Variants in PTCHD4 observed in about 807,000 individuals in gnomAD.
PTCHD4 encodes patched domain-containing protein 4.
PTCHD4 carries 33 observed loss-of-function variants against 58.1 expected under a neutral mutation model. The observed-to-expected ratio is 0.57, with a 90% CI of 0.43 to 0.76. The LOEUF is 0.76. Ranked by LOEUF, PTCHD4 falls within the 30% of genes least tolerant of loss-of-function variation. The pLI is 0.00. For synonymous variants in PTCHD4, 478 were observed against 409.6 expected, an observed-to-expected ratio of 1.17 and a Z score of -2.02; for missense variants, 1,058 against 1,027.1, an observed-to-expected ratio of 1.03 and a Z score of -0.41.
At chr6:47,971,088 C>A (rs960156175) in intron 4 of PTCHD4, among the ~76,000 whole-genome samples, 4 of 152,104 alleles carry the variant, frequency 2.6e-5, no homozygotes, top group Non-Finnish European at 5.9e-5. Flanking sequence ...AAATACCAGA[C>A]ACCAAGGGAT....
rs1268228901 is a variant in PTCHD4, at chr6:47,858,856, CCTT to C, written c.*19444_*19446del. Reference sequence around the variant, plus strand: ...TTGTACAGAATATGCTTCCTATAATCCTTCTTGAATCTATGAATTTAAACTACC... The same window carrying C: ...TTGTACAGAATATGCTTCCTATAATCCTTGAATCTATGAATTTAAACTACC... On this transcript the variant is annotated 3_prime_UTR_variant, in exon 5 of 5. Coordinates refer to ENST00000339488, the MANE Select transcript of PTCHD4 (RefSeq NM_001384253.1). Among the ~76,000 whole-genome samples, 1 of 151,998 alleles carries C rather than the reference CCTT, an allele frequency of 6.6e-6. No individual in the cohort carries two copies. The highest frequency in any genetic ancestry group is 2.4e-5 in the African/African-American group (1 of 41,422).
rs560718908 is a variant in PTCHD4, at chr6:47,867,752, T to C, written c.*10551A>G. On this transcript the variant is annotated 3_prime_UTR_variant, in exon 5 of 5. Coordinates refer to ENST00000339488, the MANE Select transcript of PTCHD4 (RefSeq NM_001384253.1). The stretch of plus-strand genomic sequence containing the variant: ...ACTTCAATGTGGATCAGTTCATAAT[T>C]CCTTCCTTACTTTCCTTGAATACTC... Among the ~76,000 whole-genome samples the C allele has an allele frequency of 9.0e-4, 136 of 151,882 alleles. No homozygotes were observed. The highest frequency in any genetic ancestry group is 1.5e-3 in the Non-Finnish European group (103 of 67,808).
chr6:48,088,159 GT>G (rs2113899586), intron 1 of PTCHD4, among the ~76,000 whole-genome samples: 1 of 152,212 alleles, frequency 6.6e-6, no homozygotes, highest in Non-Finnish European at 1.5e-5. Context: ...AGCATGTAGT[GT>G]TTTGTTGATC....
rs1375015973 is a variant in PTCHD4, at chr6:47,875,091, A to G, written c.*3212T>C. Among the ~76,000 whole-genome samples, 1 of 151,858 alleles carries G rather than the reference A, an allele frequency of 6.6e-6. No individual in the cohort carries two copies. The highest frequency in any genetic ancestry group is 1.9e-4 in the East Asian group (1 of 5,158). On this transcript the variant is annotated 3_prime_UTR_variant, in exon 5 of 5. Coordinates refer to ENST00000339488, the MANE Select transcript of PTCHD4 (RefSeq NM_001384253.1). ...ATACAGAAAAAGAGTAGTTTTTTCAAACTTTATAACCTCTTACTTTAAGGG... is the reference window on the plus strand; with the variant it reads ...ATACAGAAAAAGAGTAGTTTTTTCAGACTTTATAACCTCTTACTTTAAGGG...
chr6:48,028,919 T>TA (rs1223513395), intron 3 of PTCHD4, among the ~76,000 whole-genome samples: 2 of 152,118 alleles, frequency 1.3e-5, no homozygotes, highest in Non-Finnish European at 2.9e-5. Context: ...TTTCACTCTG[T>TA]AAAATGAGAT....
chr6:48,085,046 G>A (rs1765237341), intron 1 of PTCHD4, among the ~76,000 whole-genome samples: 2 of 147,714 alleles, frequency 1.4e-5, no homozygotes, highest in Admixed American at 6.8e-5. Context: ...ACCAGCAAGA[G>A]TACTTCTCAT....
intron 4 of PTCHD4, among the ~76,000 whole-genome samples, chr6:47,929,309 G>A (rs989071966): frequency 2.0e-5 from 3 of 152,098 alleles, no homozygotes; most frequent in Admixed American, 6.6e-5. Context: ...TACTTAAAAA[G>A]CATTAAATAG....
intron 4 of PTCHD4, among the ~76,000 whole-genome samples, chr6:47,982,235 T>C (rs569175734): frequency 2.0e-5 from 3 of 152,298 alleles, no homozygotes; most frequent in African/African-American, 7.2e-5. Flanking sequence ...ATTAAAAATA[T>C]CCATAGCAGC....
At chr6:47,880,956 T>C (rs992570478) in intron 4 of PTCHD4, among the ~76,000 whole-genome samples, 27 of 152,184 alleles carry the variant, frequency 1.8e-4, no homozygotes, top group African/African-American at 1.4e-4. Flanking sequence ...TGACCATCCA[T>C]AATATATCAA....
At chr6:47,953,151 T>A (rs1221555115) in intron 4 of PTCHD4, among the ~76,000 whole-genome samples, 1 of 151,994 alleles carries the variant, frequency 6.6e-6, no homozygotes, top group East Asian at 1.9e-4. Flanking sequence ...CCCCTTAACT[T>A]CTGAATAATG....
intron 4 of PTCHD4, among the ~76,000 whole-genome samples, chr6:47,959,325 C>A (rs1426898599): frequency 6.6e-6 from 1 of 152,114 alleles, no homozygotes; most frequent in East Asian, 1.9e-4. Flanking sequence ...TTAGACATTG[C>A]AGAAGAAAAG....
At position 47,863,553 on chromosome 6, in the gene PTCHD4, C is replaced by G. The variant is rs1763483357; in HGVS notation, c.*14750G>C. Among the ~76,000 whole-genome samples, 1 of 151,876 alleles carries G rather than the reference C, an allele frequency of 6.6e-6. No individual in the cohort carries two copies. Among genetic ancestry groups the G allele is most frequent in the African/African-American group, 2.4e-5 (1 of 41,390 alleles). ...CAGTTAAATTTGAATTTCAGAGAAA[C>G]AAGTATTTTTAGTATAGTAGATTCC... On this transcript the variant is annotated 3_prime_UTR_variant, in exon 5 of 5. Transcript: ENST00000339488.
chr6:47,930,396 T>C (rs1481148353), intron 4 of PTCHD4, among the ~76,000 whole-genome samples: 1 of 152,200 alleles, frequency 6.6e-6, no homozygotes, highest in African/African-American at 2.4e-5. Context: ...AAAATATAAA[T>C]TCCCAAAATA....
chr6:48,110,416 A>T (rs1035404591), intron 1 of PTCHD4, among the ~76,000 whole-genome samples: 23 of 152,202 alleles, frequency 1.5e-4, no homozygotes, highest in Non-Finnish European at 2.4e-4. Context: ...AGATTTTTTT[A>T]AAAAATAGAA....
intron 3 of PTCHD4, among the ~76,000 whole-genome samples, chr6:48,042,958 T>C (rs946041361): frequency 6.6e-6 from 1 of 151,934 alleles, no homozygotes; most frequent in Non-Finnish European, 1.5e-5. Flanking sequence ...CTCAGATTTC[T>C]GATGAATCTT....
intron 1 of PTCHD4, among the ~76,000 whole-genome samples, chr6:48,099,437 A>T (rs1163936705): frequency 1.3e-5 from 2 of 152,218 alleles, no homozygotes; most frequent in Non-Finnish European, 2.9e-5. Flanking sequence ...GGTACAGGAT[A>T]TTAATTCCAC....
rs1332193996 is a variant in PTCHD4 at position 47,879,584 on chromosome 6, C to A, written c.1251G>T (p.Val417=). ...CATCACTCATCACTGTCTGGAACCA[C>A]ACAGGTTTGCGATCCAGGTATTCTG... ...PSAEYLDRKP[V]WFQTVMSDGH... Residue 417 remains valine (V), a synonymous_variant, in exon 5 of 5, where the codon GTG becomes GTT. Coordinates refer to ENST00000339488, the MANE Select transcript of PTCHD4 (RefSeq NM_001384253.1). 22 of 1,613,620 alleles carry A rather than the reference C, an allele frequency of 1.4e-5. No homozygotes were observed. Among genetic ancestry groups the A allele is most frequent in the Admixed American group, 1.7e-5 (1 of 59,942 alleles).
chr6:47,896,927 T>C (rs1764544891), intron 4 of PTCHD4, among the ~76,000 whole-genome samples: 1 of 152,198 alleles, frequency 6.6e-6, no homozygotes, highest in South Asian at 2.1e-4. Context: ...CTGATCTCCT[T>C]GAGGATCAGT....
At chr6:48,052,684 C>A (rs1764274573) in intron 3 of PTCHD4, among the ~76,000 whole-genome samples, 1 of 152,000 alleles carries the variant, frequency 6.6e-6, no homozygotes, top group African/African-American at 2.4e-5. Flanking sequence ...ACGGATTCAA[C>A]TATGTAAAGT....
Sources: allele counts gnomAD v4.1 joint callset (sites outside exome capture counted in the v4.1 genomes callset), GRCh38; gene constraint gnomAD v4.1.1; transcripts MANE v1.5; gene names NCBI Gene and HGNC (gene_info 2026-07-23, HGNC 2026-07-21).